The following LRRC37A2 variants were observed in gnomAD, a reference collection of about 807,000 sequenced individuals.
LRRC37A2 encodes leucine-rich repeat-containing protein 37A2.
Under a neutral mutation model 68.8 loss-of-function variants are expected in LRRC37A2, and 9 were observed. The observed-to-expected ratio is 0.13, with a 90% CI of 0.08 to 0.23. The LOEUF (loss-of-function observed/expected upper bound fraction) is 0.23, where lower values mean the gene tolerates loss of function less well. Among genes scored for constraint, LRRC37A2 ranks in the 10% least tolerant of loss-of-function variants. The pLI is 1.00. For synonymous variants in LRRC37A2, 63 were observed against 367.6 expected, an observed-to-expected ratio of 0.17 and a Z score of 9.48; for missense variants, 168 against 950.4, an observed-to-expected ratio of 0.18 and a Z score of 10.82.
the LRRC37A2 span, among the ~76,000 whole-genome samples, chr17:46,898,087 G>A: frequency 6.6e-6 from 1 of 152,128 alleles, no homozygotes; most frequent in Non-Finnish European, 1.5e-5. Context: ...GCATTACTGG[G>A]GATGGATCAC....
At chr17:46,885,038 G>T in the LRRC37A2 span, 2 of 439,652 alleles carry the variant, frequency 4.5e-6, no homozygotes, top group African/African-American at 4.1e-5. Flanking sequence ...GCGCAGGTTG[G>T]AGTGCAGTGG....
the LRRC37A2 span, among the ~76,000 whole-genome samples, chr17:47,016,014 G>C: frequency 6.6e-6 from 1 of 151,802 alleles, no homozygotes. Flanking sequence ...TTGCGATCTC[G>C]GCTCACTGCA....
chr17:46,712,709 G>A, the LRRC37A2 span, among the ~76,000 whole-genome samples: 1 of 152,088 alleles, frequency 6.6e-6, no homozygotes, highest in Non-Finnish European at 1.5e-5. Flanking sequence ...GTGAGGGTGT[G>A]GGTTGAGACG....
intron 11 of LRRC37A2, chr17:46,553,170 A>AT (rs1281407233): frequency 1.3e-6 from 1 of 755,402 alleles, no homozygotes; most frequent in African/African-American, 2.5e-5. Flanking sequence ...GCATCCACAG[A>AT]TTCTGGTATG....
chr17:46,990,989 G>A, the LRRC37A2 span, among the ~76,000 whole-genome samples: 1 of 152,154 alleles, frequency 6.6e-6, no homozygotes, highest in Non-Finnish European at 1.5e-5. Context: ...CTTTTAAAAG[G>A]TTCAGGCCCT....
the LRRC37A2 span, among the ~76,000 whole-genome samples, chr17:47,047,663 G>C: frequency 1.3e-5 from 2 of 151,936 alleles, no homozygotes; most frequent in African/African-American, 4.8e-5. Context: ...TTATAGGACA[G>C]ATGTAGATAC....
chr17:46,806,367 G>A, the LRRC37A2 span, among the ~76,000 whole-genome samples: 2 of 151,812 alleles, frequency 1.3e-5, no homozygotes, highest in African/African-American at 2.4e-5. Flanking sequence ...GTGCCACCAC[G>A]CCCGGCTAAT....
the LRRC37A2 span, chr17:46,923,777 A>G: frequency 2.4e-6 from 1 of 411,972 alleles, no homozygotes. Context: ...AAGAAAATCA[A>G]ATTGTAATTT....
the LRRC37A2 span, chr17:46,938,815 G>A: frequency 1.9e-6 from 3 of 1,611,836 alleles, no homozygotes; most frequent in Non-Finnish European, 2.5e-6. Flanking sequence ...GTGTGTGTGT[G>A]TGTGAAAGAG....
At chr17:46,558,141 C>G (rs1331903040), downstream of LRRC37A2, among the ~76,000 whole-genome samples, 1 of 123,424 alleles carries the variant, frequency 8.1e-6, no homozygotes, top group Non-Finnish European at 1.7e-5. Context: ...CTCACTGCAT[C>G]CTCCGCCTCC....
chr17:46,876,131 T>G, the LRRC37A2 span: 1 of 1,009,124 alleles, frequency 9.9e-7, no homozygotes. Context: ...GCTGAGACCC[T>G]GGGTCTCTTT....
At chr17:46,858,063 G>A in the LRRC37A2 span, among the ~76,000 whole-genome samples, 1 of 152,142 alleles carries the variant, frequency 6.6e-6, no homozygotes, top group African/African-American at 2.4e-5. Flanking sequence ...CCAAGTAGCT[G>A]GGACTACAGG....
At chr17:46,439,457 C>T in the LRRC37A2 span, among the ~76,000 whole-genome samples, 4 of 115,654 alleles carry the variant, frequency 3.5e-5, no homozygotes, top group Non-Finnish European at 5.5e-5. Flanking sequence ...AACAGTTTTT[C>T]TTAAATATTC....
At chr17:46,681,556 C>T in the LRRC37A2 span, among the ~76,000 whole-genome samples, 384 of 142,812 alleles carry the variant, frequency 2.7e-3, 1 homozygote, top group Middle Eastern at 7.1e-3. Flanking sequence ...TATAACATCT[C>T]GTCTTCAAAA....
the LRRC37A2 span, chr17:46,923,234 C>A: frequency 4.5e-6 from 7 of 1,550,814 alleles, no homozygotes; most frequent in South Asian, 3.6e-5. Context: ...GAGGGCCGGT[C>A]GGGGAGCGGG....
At chr17:46,929,281 G>A in the LRRC37A2 span, among the ~76,000 whole-genome samples, 1 of 152,146 alleles carries the variant, frequency 6.6e-6, no homozygotes, top group Non-Finnish European at 1.5e-5. Flanking sequence ...TATTGATTTG[G>A]CAGAGTATCT....
the LRRC37A2 span, among the ~76,000 whole-genome samples, chr17:46,470,538 GCC>G: frequency 9.7e-5 from 8 of 82,094 alleles, 3 homozygotes; most frequent in Admixed American, 1.2e-4. Flanking sequence ...GGGAAGCTGG[GCC>G]CAATGGCTCA....
chr17:46,766,049 A>G, the LRRC37A2 span, among the ~76,000 whole-genome samples: 11 of 152,270 alleles, frequency 7.2e-5, no homozygotes, highest in African/African-American at 2.4e-4. Context: ...AGCACTTTAC[A>G]TAAGATTGAG....
At chr17:46,732,405 G>A in the LRRC37A2 span, among the ~76,000 whole-genome samples, 1 of 108,632 alleles carries the variant, frequency 9.2e-6, no homozygotes, top group Non-Finnish European at 1.8e-5. Context: ...TGGTTCCCAA[G>A]CCCTCCTTTT....
Sources: gnomAD v4.1 joint callset for allele counts (sites outside exome capture counted in the v4.1 genomes callset) on GRCh38, gnomAD v4.1.1 for gene constraint, MANE v1.5 for transcripts, NCBI Gene and HGNC (gene_info 2026-07-23, HGNC 2026-07-21) for gene names.